Variants in PRKCH observed in about 807,000 individuals in gnomAD.
The protein encoded by PRKCH is protein kinase C eta type.
In PRKCH, 28 loss-of-function variants were observed where a neutral mutation model predicts 82.5. The ratio of observed to expected loss-of-function variants is 0.34; its 90% CI spans 0.25 to 0.47. The LOEUF is 0.47. Ranked by LOEUF, PRKCH falls within the 20% of genes least tolerant of loss-of-function variation. The probability of loss-of-function intolerance (pLI) is 1.00; values close to 1 mark genes in which losing one functional copy is unlikely to be tolerated. For synonymous variants in PRKCH, 322 were observed against 327.4 expected (o/e 0.98, Z 0.18); for missense variants, 705 against 881.8 (o/e 0.80, Z 2.54).
rs142753333 is a variant in PRKCH at position 61,391,524 on chromosome 14, A to G, written c.427+236A>G. ...CACGTTTCATTTAACACACTCAATGAGTTTTTGTTTTTAGCCAGTGTCATC... is the reference window on the plus strand; with the variant it reads ...CACGTTTCATTTAACACACTCAATGGGTTTTTGTTTTTAGCCAGTGTCATC... On this transcript the variant is annotated intron_variant, in intron 2 of 13. Coordinates refer to ENST00000332981, the MANE Select transcript of PRKCH (RefSeq NM_006255.5). Among the ~76,000 whole-genome samples, 763 of 152,164 alleles carry G rather than the reference A, an allele frequency of 5.0e-3. 4 individuals are homozygous for G. The highest frequency in any genetic ancestry group is 0.017 in the African/African-American group (724 of 41,512).
At chr14:61,466,766 C>T (rs949554838) in intron 9 of PRKCH, among the ~76,000 whole-genome samples, 7 of 152,116 alleles carry the variant, frequency 4.6e-5, no homozygotes, top group East Asian at 1.9e-4. Flanking sequence ...GGCCACAGGA[C>T]GCTCCGATGC....
Position 61,366,969 on chromosome 14 carries a change from A to G in PRKCH, c.364-24256A>G, listed in dbSNP as rs541732623. 1.9e-4 allele frequency among the ~76,000 whole-genome samples: 29 copies of G among 152,204 alleles called. No homozygotes were observed. In the South Asian group the frequency reaches 3.7e-3, roughly 20 times the overall value. ...TCTAAGATAGCAGTGAGATGCACTA[A>G]ACATGAGATTTCTAAAACAAATACT... is the stretch of plus-strand genomic sequence containing the variant. On this transcript the variant is annotated intron_variant, in intron 1 of 13. Coordinates refer to ENST00000332981, the MANE Select transcript of PRKCH (RefSeq NM_006255.5).
chr14:61,262,186 C>T (rs1411007439), intron 1 of PRKCH, among the ~76,000 whole-genome samples: 2 of 134,928 alleles, frequency 1.5e-5, no homozygotes, highest in African/African-American at 5.8e-5. Flanking sequence ...GGCACCACTG[C>T]ACTCCAGCTC....
Position 61,280,851 on chromosome 14 carries a change from C to G in PRKCH, c.-19+93183C>G. 6.4e-7 allele frequency: 1 copy of G among 1,565,132 alleles called. No individual in the cohort carries two copies. The highest frequency in any genetic ancestry group is 8.6e-7 in the Non-Finnish European group (1 of 1,163,792). ...CTGGGCCCTGGAAGAGCTCGGGCAG[C>G]GAGAAGTACCAGGCGCACGAGCAGG... On this transcript the variant is annotated intron_variant, in intron 1 of 3. Transcript: ENST00000555185. This position sits in a 1 kb window ranked among gnomAD's most constrained non-coding sequence, Gnocchi z 5.0.
rs2044919670 is a variant in PRKCH, at chr14:61,249,429, A to G, written c.-19+61761A>G. 2.0e-5 allele frequency among the ~76,000 whole-genome samples: 3 copies of G among 151,854 alleles called. No homozygotes were observed. In the South Asian group the frequency reaches 6.2e-4, roughly 32 times the overall value. On this transcript the variant is annotated intron_variant, in intron 1 of 3. Coordinates refer to the PRKCH transcript ENST00000555185. The stretch of plus-strand genomic sequence containing the variant: ...TTGTACACACTCACTTTGGCAGCAC[A>G]TATACTTAAAAAAACATTGGAGTCA...
chr14:61,382,185 C>A (rs990900697), intron 1 of PRKCH, among the ~76,000 whole-genome samples: 1 of 152,172 alleles, frequency 6.6e-6, no homozygotes, highest in African/African-American at 2.4e-5. Context: ...AATTTTAGCA[C>A]TTTGGGAGGC....
At chr14:61,363,926 A>G (rs1395905656) in intron 1 of PRKCH, among the ~76,000 whole-genome samples, 13 of 149,608 alleles carry the variant, frequency 8.7e-5, no homozygotes, top group Non-Finnish European at 3.0e-5. Context: ...TTACATATAT[A>G]TGTAAAAATA....
rs1884601598 is a variant in PRKCH, at chr14:61,453,347, A to T, written c.954A>T (p.Pro318=). ...GTCTCCAACCCGGAAATATTTCTCC[A>T]ACCTCGGTGAGACTTTGCTTTTTTT... is the stretch of plus-strand genomic sequence containing the variant. ...GMGLQPGNIS[P]TSKLVSRSTL... The change falls in exon 7 of 14, where the codon CCA becomes CCT. Residue 318 remains proline, a synonymous_variant. Transcript: ENST00000332981. 6.2e-7 allele frequency: 1 copy of T among 1,612,774 alleles called. No individual in the cohort carries two copies. The highest frequency in any genetic ancestry group is 8.5e-7 in the Non-Finnish European group (1 of 1,179,218).
intron 2 of PRKCH, among the ~76,000 whole-genome samples, chr14:61,408,499 T>C (rs1476646524): frequency 6.6e-6 from 1 of 152,098 alleles, no homozygotes; most frequent in Non-Finnish European, 1.5e-5. Flanking sequence ...GGGAGGACCA[T>C]CAGTTTTGGA....
intron 9 of PRKCH, 81 bp from the exon 10 acceptor site, chr14:61,485,421 C>A: frequency 6.7e-7 from 1 of 1,503,568 alleles, no homozygotes; most frequent in Non-Finnish European, 9.0e-7. Flanking sequence ...CTCTATGCCA[C>A]AGCCTTAGGC....
At chr14:61,261,709 T>C (rs2045046171) in intron 1 of PRKCH, among the ~76,000 whole-genome samples, 2 of 152,062 alleles carry the variant, frequency 1.3e-5, no homozygotes, top group African/African-American at 4.8e-5. Context: ...GGAATCCTTT[T>C]AGAGTTGGTA....
intron 1 of PRKCH, among the ~76,000 whole-genome samples, chr14:61,246,944 T>C (rs950982292): frequency 1.3e-5 from 2 of 152,112 alleles, no homozygotes; most frequent in Non-Finnish European, 2.9e-5. Context: ...TCGGCCCCCA[T>C]TGTTGGCCTG....
In PRKCH at chr14:61,469,227, G is replaced by A. The variant is rs530828835; in HGVS notation, c.1278+11548G>A. Reference sequence around the variant, plus strand: ...ATTAGGATTACAGGCATGAGCCACCGTGCCTGGCTAGAAACAGTTTTTTAA... The same window carrying A: ...ATTAGGATTACAGGCATGAGCCACCATGCCTGGCTAGAAACAGTTTTTTAA... On this transcript the variant is annotated intron_variant, in intron 9 of 13. Transcript: ENST00000332981. Among the ~76,000 whole-genome samples, 8 of 152,174 alleles carry A rather than the reference G, an allele frequency of 5.3e-5. No individual in the cohort carries two copies. The East Asian group carries it at 5.8e-4, about 11-fold the overall frequency.
At chr14:61,514,200 C>A (rs1005736477) in intron 10 of PRKCH, among the ~76,000 whole-genome samples, 2 of 151,828 alleles carry the variant, frequency 1.3e-5, no homozygotes, top group African/African-American at 4.9e-5. Flanking sequence ...TGCTCACGGA[C>A]CCTGTCTTAA....
rs1555369165 is a variant in PRKCH at position 61,210,161 on chromosome 14, T to TATATATATATATAA, written c.-19+22494_-19+22495insTATATATATATAAA. Among the ~76,000 whole-genome samples, 18 of 95,204 alleles carry TATATATATATATAA rather than the reference T, an allele frequency of 1.9e-4. 2 individuals carry two copies. Among genetic ancestry groups the TATATATATATATAA allele is most frequent in the East Asian group, 6.6e-4 (2 of 3,018 alleles). The allele number at this position is 95,204 out of a possible 152,430, so 62.5% of individuals were successfully genotyped here. On this transcript the variant is annotated intron_variant, in intron 1 of 3. Coordinates refer to the PRKCH transcript ENST00000555185. ...ATATATATATATATATATATATATA[T>TATATATATATATAA]AAATTAGCTTGGCATAGTGGCAGGC...
At chr14:61,456,132 A>G (rs1419943248) in intron 7 of PRKCH, among the ~76,000 whole-genome samples, 1 of 152,224 alleles carries the variant, frequency 6.6e-6, no homozygotes, top group Admixed American at 6.5e-5. Flanking sequence ...AGTGCTTTAC[A>G]TGCATTTGTT....
chr14:61,399,464 T>A (rs1881480363), intron 2 of PRKCH, among the ~76,000 whole-genome samples: 1 of 152,190 alleles, frequency 6.6e-6, no homozygotes, highest in South Asian at 2.1e-4. Context: ...AGTTAAAAAT[T>A]TTAAATGACT....
intron 1 of PRKCH, chr14:61,281,240 C>A: frequency 1.3e-6 from 1 of 788,916 alleles, no homozygotes; most frequent in East Asian, 3.7e-5. Context: ...CCGGGGACTG[C>A]TCGCGGGTCG....
At chr14:61,472,064 A>T (rs1230879242) in intron 9 of PRKCH, among the ~76,000 whole-genome samples, 1 of 152,112 alleles carries the variant, frequency 6.6e-6, no homozygotes, top group African/African-American at 2.4e-5. Context: ...TGGCATTGTT[A>T]GGGATGGAGC....
Sources: gnomAD v4.1 joint callset for allele counts (sites outside exome capture counted in the v4.1 genomes callset) on GRCh38, gnomAD v4.1.1 for gene constraint, Gnocchi (gnomAD v3.1) non-coding constraint, MANE v1.5 for transcripts, NCBI Gene and HGNC (gene_info 2026-07-23, HGNC 2026-07-21) for gene names.